The following PTPRM variants were observed in gnomAD, a reference collection of about 807,000 sequenced individuals.
PTPRM encodes receptor-type tyrosine-protein phosphatase mu.
In PTPRM, 47 loss-of-function variants were observed where a neutral mutation model predicts 186.7. That is an observed-to-expected ratio of 0.25 (90% confidence interval 0.20 to 0.32). The LOEUF (loss-of-function observed/expected upper bound fraction) is 0.32, where lower values mean the gene tolerates loss of function less well. PTPRM is among the 10% of genes least tolerant of loss of function. The pLI is 1.00. For missense variants in PTPRM, 1,494 were observed against 1,865.0 expected (o/e 0.80, Z 3.66); for synonymous variants, 668 against 674.9 (o/e 0.99, Z 0.16).
chr18:8,131,479 C>T (rs1487011101), intron 13 of PTPRM, among the ~76,000 whole-genome samples: 1 of 152,166 alleles, frequency 6.6e-6, no homozygotes, highest in Non-Finnish European at 1.5e-5. Flanking sequence ...CAAAACAGAG[C>T]ATAACCTATT....
chr18:7,771,959 A>G (rs1457103291), intron 1 of PTPRM, among the ~76,000 whole-genome samples: 2 of 152,228 alleles, frequency 1.3e-5, no homozygotes, highest in Non-Finnish European at 2.9e-5. Context: ...AAGTGGAGAG[A>G]TGACTCAGTG....
At chr18:8,172,183 C>T (rs900208300) in intron 14 of PTPRM, among the ~76,000 whole-genome samples, 4 of 151,778 alleles carry the variant, frequency 2.6e-5, no homozygotes, top group African/African-American at 9.7e-5. Flanking sequence ...GCTGGGGAGG[C>T]CTCACAATTA....
chr18:7,569,195 C>T (rs2036511776), intron 1 of PTPRM, among the ~76,000 whole-genome samples: 1 of 152,074 alleles, frequency 6.6e-6, no homozygotes, highest in Non-Finnish European at 1.5e-5. Context: ...TTCTTGGGGT[C>T]CAGGACCATT....
At chr18:7,866,992 A>G (rs2146128431) in intron 2 of PTPRM, among the ~76,000 whole-genome samples, 1 of 152,254 alleles carries the variant, frequency 6.6e-6, no homozygotes, top group Admixed American at 6.5e-5. Context: ...CTGCTTTATC[A>G]GAGACTAGGA....
At chr18:7,603,077 G>A (rs1401911402) in intron 1 of PTPRM, among the ~76,000 whole-genome samples, 1 of 151,738 alleles carries the variant, frequency 6.6e-6, no homozygotes, top group African/African-American at 2.4e-5. Context: ...ACAGGTGCCC[G>A]CCACCACGCC....
At chr18:7,858,650 A>G (rs1189400948) in intron 2 of PTPRM, among the ~76,000 whole-genome samples, 1 of 152,230 alleles carries the variant, frequency 6.6e-6, no homozygotes, top group Non-Finnish European at 1.5e-5. Context: ...TTTTAATACA[A>G]GTGTTAATAT....
chr18:7,634,815 T>C (rs889506145), intron 1 of PTPRM, among the ~76,000 whole-genome samples: 3 of 152,178 alleles, frequency 2.0e-5, no homozygotes, highest in Admixed American at 2.0e-4. Context: ...TTTCAAATGA[T>C]CTCAATTAGT....
chr18:8,324,530 C>G (rs1324145050), intron 22 of PTPRM, among the ~76,000 whole-genome samples: 2 of 152,204 alleles, frequency 1.3e-5, no homozygotes, highest in African/African-American at 4.8e-5. Context: ...GTACCACAGC[C>G]AGAAGGCTGG....
At chr18:8,199,925 C>A (rs1205739161) in intron 14 of PTPRM, among the ~76,000 whole-genome samples, 1 of 151,936 alleles carries the variant, frequency 6.6e-6, no homozygotes, top group Non-Finnish European at 1.5e-5. Flanking sequence ...TTTTCTGAGT[C>A]AAAGCCCCAA....
intron 19 of PTPRM, among the ~76,000 whole-genome samples, chr18:8,277,244 A>G (rs1568651060): frequency 1.3e-5 from 2 of 152,156 alleles, no homozygotes; most frequent in South Asian, 2.1e-4. Context: ...TTTTCCCAAT[A>G]TAGAAACAGT....
At chr18:8,378,237 T>C (rs746406687) in intron 26 of PTPRM, 28 bp from the exon 27 acceptor site, 4 of 1,586,064 alleles carry the variant, frequency 2.5e-6, no homozygotes, top group Non-Finnish European at 3.5e-6. Context: ...TCTCTAAAGT[T>C]AGTAACTCGT....
rs149359426 is a variant in PTPRM at position 7,849,888 on chromosome 18, C to T, written c.197-38218C>T. On this transcript the variant is annotated intron_variant, in intron 2 of 32. Coordinates refer to ENST00000580170, the MANE Select transcript of PTPRM (RefSeq NM_001105244.2). ...AGCATGGTATGTAAGATGCTACTTA[C>T]GTTGACATTTATTTTAATACTAGTA... 2.7e-3 allele frequency among the ~76,000 whole-genome samples: 406 copies of T among 152,266 alleles called. 1 individual carries two copies. The highest frequency in any genetic ancestry group is 5.7e-3 in the African/African-American group (235 of 41,566).
intron 23 of PTPRM, chr18:8,360,791 G>A (rs2095592811): frequency 6.6e-6 from 1 of 152,198 alleles, no homozygotes; most frequent in African/African-American, 2.4e-5. Context: ...AGTGTCTACT[G>A]TAAAATAGAA....
At chr18:8,198,050 A>G (rs1197610804) in intron 14 of PTPRM, among the ~76,000 whole-genome samples, 4 of 152,084 alleles carry the variant, frequency 2.6e-5, no homozygotes, top group African/African-American at 9.7e-5. Flanking sequence ...CTGCCTCTGG[A>G]ATTTTTAGTA....
intron 7 of PTPRM, among the ~76,000 whole-genome samples, chr18:7,976,861 A>G (rs1241706938): frequency 6.6e-6 from 1 of 152,056 alleles, no homozygotes; most frequent in African/African-American, 2.4e-5. Flanking sequence ...TTCTTGAGTA[A>G]ATGTATTCGT....
In PTPRM at chr18:7,607,598, T is replaced by C. The variant is rs117907209; in HGVS notation, c.73+39707T>C. 9.0e-3 allele frequency among the ~76,000 whole-genome samples: 1,376 copies of C among 152,330 alleles called. 10 individuals carry two copies. Among genetic ancestry groups the C allele is most frequent in the Non-Finnish European group, 0.012 (799 of 68,032 alleles). The stretch of plus-strand genomic sequence containing the variant: ...GATGTTTGTTAAATAAATTAAGCAG[T>C]TGAGTACAGTTCTAGTGATCTCTTA... On this transcript the variant is annotated intron_variant, in intron 1 of 32. Transcript: ENST00000580170.
chr18:7,875,760 T>C (rs1486117476), intron 2 of PTPRM, among the ~76,000 whole-genome samples: 1 of 152,212 alleles, frequency 6.6e-6, no homozygotes, highest in Non-Finnish European at 1.5e-5. Flanking sequence ...TATTTGTATG[T>C]GTGTATATAC....
At chr18:8,348,405 A>G (rs1024340033) in intron 23 of PTPRM, among the ~76,000 whole-genome samples, 7 of 152,246 alleles carry the variant, frequency 4.6e-5, no homozygotes, top group African/African-American at 1.7e-4. Context: ...TACATCTGAC[A>G]GGACCTGTCA....
At chr18:8,272,326 C>T (rs530950950) in intron 19 of PTPRM, among the ~76,000 whole-genome samples, 2 of 150,496 alleles carry the variant, frequency 1.3e-5, no homozygotes, top group Admixed American at 6.6e-5. Flanking sequence ...TTATTAATTT[C>T]CTTCTACTTT....
Sources: allele counts gnomAD v4.1 joint callset (sites outside exome capture counted in the v4.1 genomes callset), GRCh38; gene constraint gnomAD v4.1.1; transcripts MANE v1.5; gene names NCBI Gene and HGNC (gene_info 2026-07-23, HGNC 2026-07-21).